The following ACTN1 variants were observed in gnomAD, a reference collection of about 807,000 sequenced individuals.
ACTN1 encodes the protein actinin alpha 1.
A neutral mutation model predicts 119.6 loss-of-function variants in ACTN1; 30 were observed. The ratio of observed to expected loss-of-function variants is 0.25; its 90% CI spans 0.19 to 0.34. The LOEUF (loss-of-function observed/expected upper bound fraction) is 0.34, where lower values mean the gene tolerates loss of function less well. ACTN1 is among the 10% of genes least tolerant of loss of function. The pLI is 1.00. For synonymous variants in ACTN1, 429 were observed against 472.6 expected (o/e 0.91, Z 1.20); for missense variants, 764 against 1,223.4 (o/e 0.62, Z 5.60).
rs1323630795 is a variant in ACTN1 at position 68,877,064 on chromosome 14, C to T, written c.2586+18G>A. ...GTGCCTGCCACCCCAGCACAGTGCC[C>T]ACCCATAGGACACCCACCTTGTCCC... is the stretch of plus-strand genomic sequence containing the variant. On this transcript the variant is annotated intron_variant, in intron 21 of 21. Coordinates refer to ENST00000394419, the MANE Select transcript of ACTN1 (RefSeq NM_001130004.2). 5 of 1,613,570 alleles carry T rather than the reference C, an allele frequency of 3.1e-6. No homozygotes were observed. Among genetic ancestry groups the T allele is most frequent in the Non-Finnish European group, 4.2e-6 (5 of 1,179,724 alleles).
intron 3 of ACTN1, among the ~76,000 whole-genome samples, chr14:68,915,938 C>T (rs750853179): frequency 1.3e-4 from 20 of 152,170 alleles, no homozygotes; most frequent in Non-Finnish European, 2.6e-4. Flanking sequence ...CGCTTGAATT[C>T]GGGAGGCGGA....
At chr14:68,969,717 T>TG (rs1334437694) in intron 1 of ACTN1, among the ~76,000 whole-genome samples, 4 of 152,186 alleles carry the variant, frequency 2.6e-5, no homozygotes, top group Non-Finnish European at 4.4e-5. Context: ...GACCCCATAT[T>TG]GGGGGTGTCG....
chr14:68,940,092 C>T (rs2035714128), intron 1 of ACTN1, among the ~76,000 whole-genome samples: 1 of 152,224 alleles, frequency 6.6e-6, no homozygotes, highest in African/African-American at 2.4e-5. Context: ...CCCCGGTCCT[C>T]CGGGGTTACA....
rs139749342 is a variant in ACTN1 at position 68,909,061 on chromosome 14, C to T, written c.594+257G>A. 3.7e-4 allele frequency among the ~76,000 whole-genome samples: 57 copies of T among 152,332 alleles called. 1 individual carries two copies. Among genetic ancestry groups the T allele is most frequent in the African/African-American group, 1.3e-3 (56 of 41,576 alleles). ...TCATTCCATCCCTCTGACAAAGCTG[C>T]TGTCACAGCTGTGATATTTTCCTGA... On this transcript the variant is annotated intron_variant, in intron 6 of 21. Coordinates refer to ENST00000394419, the MANE Select transcript of ACTN1 (RefSeq NM_001130004.2). This position sits in a 1 kb window ranked among gnomAD's most constrained non-coding sequence, Gnocchi z 4.1.
chr14:68,876,366 T>C (rs1594745151), intron 21 of ACTN1, among the ~76,000 whole-genome samples: 1 of 152,172 alleles, frequency 6.6e-6, no homozygotes, highest in African/African-American at 2.4e-5. Context: ...ACACAGACCC[T>C]AGGCCCCCAC....
At chr14:68,884,668 G>A in intron 13 of ACTN1, 107 bp downstream of exon 13, 3 of 985,712 alleles carry the variant, frequency 3.0e-6, no homozygotes, top group South Asian at 1.4e-5. Context: ...GGGAGGTCTG[G>A]GGAAGCCATA....
At chr14:68,920,539 A>T (rs1267335622) in intron 3 of ACTN1, among the ~76,000 whole-genome samples, 3 of 152,188 alleles carry the variant, frequency 2.0e-5, no homozygotes, top group Non-Finnish European at 2.9e-5. Context: ...AGGAAGCTAC[A>T]CTGCAGGGAA....
In ACTN1 at chr14:68,878,207, A is replaced by G. The variant is rs2031109336; in HGVS notation, c.2427+251T>C. The G allele has an allele frequency of 2.2e-6, 1 of 445,834 alleles. No individual in the cohort carries two copies. Among genetic ancestry groups the G allele is most frequent in the Non-Finnish European group, 4.0e-6 (1 of 252,752 alleles). 27.6% of individuals were successfully genotyped at this position (445,834 alleles called of 1,614,324 possible). ...GGTCAGCCCAGCTGTCCACAGTGGGAGTGAGAAGTACCAGAAGATGAAGTG... is the reference window on the plus strand; with the variant it reads ...GGTCAGCCCAGCTGTCCACAGTGGGGGTGAGAAGTACCAGAAGATGAAGTG... On this transcript the variant is annotated intron_variant, in intron 20 of 21. Transcript: ENST00000394419. This position sits in a 1 kb window ranked among gnomAD's most constrained non-coding sequence, Gnocchi z 4.4.
intron 1 of ACTN1, among the ~76,000 whole-genome samples, chr14:68,954,315 A>AATTTATTTATTTATTTATTT (rs377224619): frequency 6.6e-6 from 1 of 151,722 alleles, no homozygotes; most frequent in African/African-American, 2.4e-5. Flanking sequence ...ACACACAGAG[A>AATTTATTTATTTATTTATTT]ATTTATTTAT....
At chr14:68,951,444 A>C (rs528577772) in intron 1 of ACTN1, among the ~76,000 whole-genome samples, 1 of 152,306 alleles carries the variant, frequency 6.6e-6, no homozygotes, top group African/African-American at 2.4e-5. Context: ...ACAATGGACA[A>C]GACAGGGCCT....
intron 1 of ACTN1, chr14:68,978,298 A>T (rs1257709875): frequency 2.2e-6 from 1 of 445,284 alleles, no homozygotes; most frequent in Non-Finnish European, 4.5e-6. Flanking sequence ...TTAAGCAATA[A>T]AACGGTCTGC....
chr14:68,884,562 G>A (rs946367403), intron 13 of ACTN1, among the ~76,000 whole-genome samples: 2 of 152,238 alleles, frequency 1.3e-5, no homozygotes, highest in African/African-American at 4.8e-5. Flanking sequence ...AAACTGGGAG[G>A]ATGAGACATG....
chr14:68,952,356 C>T (rs1160026563), intron 1 of ACTN1, among the ~76,000 whole-genome samples: 1 of 152,224 alleles, frequency 6.6e-6, no homozygotes, highest in East Asian at 1.9e-4. Context: ...AAGTGACAGG[C>T]GGCCAACGGC....
rs1240199872 is a variant in ACTN1 at position 68,925,084 on chromosome 14, CT to C, written c.220+473del. On this transcript the variant is annotated intron_variant, in intron 2 of 21. Transcript: ENST00000394419. This position sits in a 1 kb window ranked among gnomAD's most constrained non-coding sequence, Gnocchi z 4.3. The stretch of plus-strand genomic sequence containing the variant: ...GGCTAGACTCACAGGACTCCCACCC[CT>C]TAAGGGATGGTGGCAGAAAGGCATT... 6.6e-6 allele frequency among the ~76,000 whole-genome samples: 1 copy of C among 152,164 alleles called. No individual in the cohort carries two copies. Among genetic ancestry groups the C allele is most frequent in the African/African-American group, 2.4e-5 (1 of 41,434 alleles).
chr14:68,882,447 A>G lies in ACTN1; in HGVS notation c.1953+11T>C, dbSNP rs763404690. ...GGGAGCCCCAGCACTGCTTCCCAGCATGGGACCCACCTCCATCTTGGTCTG... is the reference window on the plus strand; with the variant it reads ...GGGAGCCCCAGCACTGCTTCCCAGCGTGGGACCCACCTCCATCTTGGTCTG... On this transcript the variant is annotated intron_variant, in intron 16 of 21. Transcript: ENST00000394419. This position sits in a 1 kb window ranked among gnomAD's most constrained non-coding sequence, Gnocchi z 4.5. The G allele has an allele frequency of 6.2e-7, 1 of 1,613,778 alleles. No individual in the cohort carries two copies. Among genetic ancestry groups the G allele is most frequent in the Non-Finnish European group, 8.5e-7 (1 of 1,179,766 alleles).
At chr14:68,955,183 T>G (rs2036312637) in intron 1 of ACTN1, among the ~76,000 whole-genome samples, 2 of 152,176 alleles carry the variant, frequency 1.3e-5, no homozygotes, top group Non-Finnish European at 2.9e-5. Context: ...CCAGAGGGTT[T>G]CTTGACCTAG....
chr14:68,883,603 C>A (rs2031749287), intron 14 of ACTN1, among the ~76,000 whole-genome samples: 1 of 152,116 alleles, frequency 6.6e-6, no homozygotes, highest in African/African-American at 2.4e-5. Context: ...AAAAACCCCA[C>A]TTCCACAAAA....
rs1174629529 is a variant in ACTN1, at chr14:68,879,368, C to A, written c.2281-299G>T. Among the ~76,000 whole-genome samples the A allele has an allele frequency of 2.0e-5, 3 of 152,038 alleles. No homozygotes were observed. The highest frequency in any genetic ancestry group is 2.0e-4 in the Admixed American group (3 of 15,276). On this transcript the variant is annotated intron_variant, in intron 18 of 21. Transcript: ENST00000394419. This position sits in a 1 kb window ranked among gnomAD's most constrained non-coding sequence, Gnocchi z 4.9. ...TCCCTCAGAAGTGACCCAGCCCCCCCGCTTCCCCAGGGGCTTCCCCCCAGG... is the reference window on the plus strand; with the variant it reads ...TCCCTCAGAAGTGACCCAGCCCCCCAGCTTCCCCAGGGGCTTCCCCCCAGG...
At chr14:68,884,670 G>A (rs1196942658) in intron 13 of ACTN1, 105 bp downstream of exon 13, 3 of 996,380 alleles carry the variant, frequency 3.0e-6, no homozygotes, top group Non-Finnish European at 4.7e-6. Flanking sequence ...GAGGTCTGGG[G>A]AAGCCATAGA....
Sources: gnomAD v4.1 joint callset for allele counts (sites outside exome capture counted in the v4.1 genomes callset) on GRCh38, gnomAD v4.1.1 for gene constraint, Gnocchi (gnomAD v3.1) non-coding constraint, MANE v1.5 for transcripts, NCBI Gene and HGNC (gene_info 2026-07-23, HGNC 2026-07-21) for gene names.